Variants in GLT1D1 observed in about 807,000 individuals in gnomAD.
The protein encoded by GLT1D1 is glycosyltransferase 1 domain containing 1.
A neutral mutation model predicts 28.7 loss-of-function variants in GLT1D1; 21 were observed. The ratio of observed to expected loss-of-function variants is 0.73; its 90% confidence interval spans 0.52 to 1.05. The LOEUF is 1.05. Ranked by LOEUF, GLT1D1 falls within the 50% of genes least tolerant of loss-of-function variation. The probability of loss-of-function intolerance (pLI) is 0.00; values close to 1 mark genes in which losing one functional copy is unlikely to be tolerated. For synonymous variants in GLT1D1, 147 were observed against 124.8 expected (o/e 1.18, Z -1.19); for missense variants, 343 against 330.6 (o/e 1.04, Z -0.29).
Position 128,853,699 on chromosome 12 carries a change from G to T in GLT1D1, c.68+50G>T, listed in dbSNP as rs942871764. On this transcript the variant is annotated intron_variant, in intron 1 of 7. Coordinates refer to ENST00000281703, the MANE Select transcript of GLT1D1 (RefSeq NM_144669.3). ...CGAAGCCTGGGCCGGGGGCCGGGGG[G>T]CGGGGACGCGGGACCCGGGGACGCG... 11 of 1,025,802 alleles carry T rather than the reference G, an allele frequency of 1.1e-5. No individual in the cohort carries two copies. In the Admixed American group the frequency reaches 3.8e-4, roughly 36 times the overall value. The allele number at this position is 1,025,802 out of a possible 1,614,324, so 63.5% of individuals were successfully genotyped here.
intron 1 of GLT1D1, among the ~76,000 whole-genome samples, chr12:128,870,256 A>G (rs1194061386): frequency 6.6e-6 from 1 of 152,120 alleles, no homozygotes; most frequent in Admixed American, 6.5e-5. Context: ...AATATTTTTG[A>G]GACTGTCTCA....
intron 1 of GLT1D1, among the ~76,000 whole-genome samples, chr12:128,865,542 G>T (rs952192835): frequency 6.6e-6 from 1 of 152,112 alleles, no homozygotes; most frequent in Non-Finnish European, 1.5e-5. Flanking sequence ...AACAACACAG[G>T]CCGGGCCCGG....
chr12:128,900,346 C>G (rs1004833727), intron 4 of GLT1D1, among the ~76,000 whole-genome samples: 5 of 152,206 alleles, frequency 3.3e-5, no homozygotes, highest in Non-Finnish European at 7.3e-5. Flanking sequence ...TAGGCTCTGC[C>G]CATTCTTTAT....
At chr12:128,981,401 C>T (rs1294900518) in intron 7 of GLT1D1, among the ~76,000 whole-genome samples, 1 of 152,134 alleles carries the variant, frequency 6.6e-6, no homozygotes, top group Non-Finnish European at 1.5e-5. Flanking sequence ...ATATGACCAG[C>T]ATCATAAAAT....
At chr12:128,973,951 G>GTGT (rs1491278823) in intron 7 of GLT1D1, among the ~76,000 whole-genome samples, 2 of 22,406 alleles carry the variant, frequency 8.9e-5, no homozygotes, top group African/African-American at 1.9e-4. Flanking sequence ...GTGTGTGTGT[G>GTGT]GGGGGGGCGC....
intron 4 of GLT1D1, among the ~76,000 whole-genome samples, chr12:128,941,808 T>G (rs373589676): frequency 1.3e-5 from 2 of 151,566 alleles, no homozygotes; most frequent in South Asian, 2.1e-4. Flanking sequence ...CTCGAACTCT[T>G]GATCACATGA....
intron 7 of GLT1D1, among the ~76,000 whole-genome samples, chr12:128,964,821 G>A (rs572273588): frequency 4.3e-4 from 66 of 152,322 alleles, no homozygotes; most frequent in Non-Finnish European, 8.1e-4. Flanking sequence ...GGGACGTTGA[G>A]CTGGGCTTCA....
At chr12:128,922,575 A>G (rs1872755908) in intron 4 of GLT1D1, among the ~76,000 whole-genome samples, 1 of 152,234 alleles carries the variant, frequency 6.6e-6, no homozygotes, top group Admixed American at 6.5e-5. Flanking sequence ...CTTTTGGTCA[A>G]ACAAGGACTC....
chr12:128,955,548 C>A (rs1877187032), intron 6 of GLT1D1, among the ~76,000 whole-genome samples: 1 of 150,976 alleles, frequency 6.6e-6, no homozygotes, highest in Non-Finnish European at 1.5e-5. Context: ...AGGATCCACA[C>A]ACCATTCATG....
In GLT1D1 at chr12:128,853,499, C is replaced by A. The variant is rs1407494037; in HGVS notation, c.-83C>A. On this transcript the variant is annotated 5_prime_UTR_variant, in exon 1 of 8. Coordinates refer to ENST00000281703, the MANE Select transcript of GLT1D1 (RefSeq NM_144669.3). ...CGGGACAGACCCAGCCGCCCCGGCT[C>A]CCCCGCCGTCCGCGTCTGCGCCGGC... 1.0e-6 allele frequency: 1 copy of A among 979,482 alleles called. No homozygotes were observed. The highest frequency in any genetic ancestry group is 1.2e-6 in the Non-Finnish European group (1 of 820,780). 60.7% of individuals were successfully genotyped at this position (979,482 alleles called of 1,614,324 possible).
intron 6 of GLT1D1, among the ~76,000 whole-genome samples, chr12:128,948,818 C>T (rs912044553): frequency 5.3e-5 from 8 of 151,906 alleles, no homozygotes; most frequent in East Asian, 1.9e-4. Flanking sequence ...AAATGACTGA[C>T]GTTGTATGCA....
chr12:128,927,978 C>T (rs547030795), intron 4 of GLT1D1, among the ~76,000 whole-genome samples: 48 of 105,728 alleles, frequency 4.5e-4, no homozygotes, highest in African/African-American at 1.6e-3. Flanking sequence ...CCAGCCTGGC[C>T]GACAGAGCAA....
Position 128,977,971 on chromosome 12 carries a change from G to A in GLT1D1, c.640-4958G>A, listed in dbSNP as rs113945424. On this transcript the variant is annotated intron_variant, in intron 7 of 7. Transcript: ENST00000281703. ...CTAATTTTTTTGTATTTTTGGTAGA[G>A]ACAGGGTTTAACCATGTTGGCCAGG... 6.3e-3 allele frequency among the ~76,000 whole-genome samples: 955 copies of A among 151,794 alleles called. 11 individuals carry two copies. The highest frequency in any genetic ancestry group is 0.022 in the African/African-American group (912 of 41,382).
chr12:128,912,413 C>T lies in GLT1D1; in HGVS notation c.375+13126C>T. 6.6e-7 allele frequency: 1 copy of T among 1,519,920 alleles called. No individual in the cohort carries two copies. The highest frequency in any genetic ancestry group is 8.8e-7 in the Non-Finnish European group (1 of 1,133,708). The allele number at this position is 1,519,920 out of a possible 1,614,324, so 94.2% of individuals were successfully genotyped here. A position where few individuals can be genotyped will look rare whatever the true frequency, so the allele number is the denominator to read the frequency against. On this transcript the variant is annotated intron_variant, in intron 4 of 7. Transcript: ENST00000281703. ...TGTACTTTTCTTTTCTCTCTCCCCTCCTTTCAAAAGCCGCATGCTAAGGGT... is the reference window on the plus strand; with the variant it reads ...TGTACTTTTCTTTTCTCTCTCCCCTTCTTTCAAAAGCCGCATGCTAAGGGT...
At chr12:128,891,531 C>T (rs1234878023) in intron 3 of GLT1D1, among the ~76,000 whole-genome samples, 2 of 152,186 alleles carry the variant, frequency 1.3e-5, no homozygotes, top group Non-Finnish European at 1.5e-5. Context: ...CAATAAATCA[C>T]CAGCCATTAA....
chr12:128,901,495 G>A (rs1215342263), intron 4 of GLT1D1, among the ~76,000 whole-genome samples: 1 of 151,214 alleles, frequency 6.6e-6, no homozygotes, highest in African/African-American at 2.4e-5. Flanking sequence ...GGAGTGCAGT[G>A]GCGCGATCTC....
intron 2 of GLT1D1, among the ~76,000 whole-genome samples, chr12:128,879,956 T>C (rs905719844): frequency 1.6e-4 from 25 of 152,258 alleles, no homozygotes; most frequent in African/African-American, 5.1e-4. Context: ...GTTTTTTTGC[T>C]ATTCCAAGCA....
chr12:128,978,327 G>A (rs1879986054), intron 7 of GLT1D1, among the ~76,000 whole-genome samples: 1 of 151,928 alleles, frequency 6.6e-6, no homozygotes, highest in Non-Finnish European at 1.5e-5. Flanking sequence ...CATTTGATAA[G>A]GTGCCCGGTG....
intron 4 of GLT1D1, among the ~76,000 whole-genome samples, chr12:128,910,626 T>A (rs470396): frequency 6.6e-6 from 1 of 151,820 alleles, no homozygotes; most frequent in Non-Finnish European, 1.5e-5. Context: ...TAATTCAGCA[T>A]AAGGAGTAGT....
Sources: gnomAD v4.1 joint callset for allele counts (sites outside exome capture counted in the v4.1 genomes callset) on GRCh38, gnomAD v4.1.1 for gene constraint, MANE v1.5 for transcripts, NCBI Gene and HGNC (gene_info 2026-07-23, HGNC 2026-07-21) for gene names.